The following CRAMP1 variants were observed in gnomAD, a reference collection of about 807,000 sequenced individuals.
The protein encoded by CRAMP1 is protein cramped-like.
In CRAMP1, 50 loss-of-function variants were observed where a neutral mutation model predicts 115.4. The ratio of observed to expected loss-of-function variants is 0.43; its 90% CI spans 0.35 to 0.55. The LOEUF (loss-of-function observed/expected upper bound fraction) is 0.55. CRAMP1 is among the 20% of genes least tolerant of loss of function. The pLI, the probability that CRAMP1 is intolerant of heterozygous loss-of-function variation, is 0.01. For synonymous variants in CRAMP1, 866 were observed against 745.4 expected, an observed-to-expected ratio of 1.16 and a Z score of -2.64; for missense variants, 1,679 against 1,721.7, an observed-to-expected ratio of 0.98 and a Z score of 0.44.
chr16:1,649,785 ATTTTTT>A (rs35942594), intron 6 of CRAMP1, among the ~76,000 whole-genome samples: 1 of 65,736 alleles, frequency 1.5e-5, no homozygotes, highest in African/African-American at 7.2e-5. Flanking sequence ...ATGAGCCACT[ATTTTTT>A]TTTTTTTTTT....
At position 1,672,743 on chromosome 16, in the gene CRAMP1, C is replaced by G. The variant is rs1011838938; in HGVS notation, c.3646-1138C>G. ...CCCCTGTCCTCATGAGGCTTCTACT[C>G]TAGAGCAGGACGCAGACAATAAGCG... On this transcript the variant is annotated intron_variant, in intron 20 of 20. Coordinates refer to ENST00000397412, the MANE Select transcript of CRAMP1 (RefSeq NM_020825.4). The surrounding 1 kb of genome is among the most constrained non-coding windows in gnomAD (Gnocchi z 4.9). Among the ~76,000 whole-genome samples, 2 of 152,122 alleles carry G rather than the reference C, an allele frequency of 1.3e-5. No homozygotes were observed. Among genetic ancestry groups the G allele is most frequent in the African/African-American group, 4.8e-5 (2 of 41,416 alleles).
rs1596483387 is a variant in CRAMP1, at chr16:1,626,033, C to T, written c.407C>T (p.Ala136Val). 2 of 1,551,690 alleles carry T rather than the reference C, an allele frequency of 1.3e-6. No homozygotes were observed. The highest frequency in any genetic ancestry group is 3.9e-5 in the Admixed American group (2 of 51,008). ...TCTGGGGTTGCCCCTGCTGCCCCTG[C>T]AGGGGGCTCGCGCTCCTCCTCCCGG... ...NVSGVAPAAPAGGSRSSSRNL... is the reference protein window; with the variant it reads ...NVSGVAPAAPVGGSRSSSRNL... Residue 136 changes from alanine to valine, a missense_variant, in exon 3 of 21, where the codon GCA (alanine) becomes GTA (valine). Physicochemically the swap from Ala to Val is moderately conservative, Grantham distance 64. This residue lies in a region of CRAMP1 where 264 missense variants were observed against 229.7 expected (regional missense o/e 1.15). Transcript: ENST00000397412.
In CRAMP1 at chr16:1,668,991, T is replaced by C; in HGVS notation, c.3335-10T>C. 1.2e-6 allele frequency: 2 copies of C among 1,612,782 alleles called. No homozygotes were observed. The highest frequency in any genetic ancestry group is 1.7e-6 in the Non-Finnish European group (2 of 1,179,364). ...ACAAGGCGTTTCTGATCTGGGATCT[T>C]GGTTGGCAGGTGAAGGAGTCCCTCT... is the stretch of plus-strand genomic sequence containing the variant. On this transcript the variant is annotated splice_polypyrimidine_tract_variant and intron_variant, in intron 18 of 20. Coordinates refer to ENST00000397412, the MANE Select transcript of CRAMP1 (RefSeq NM_020825.4).
intron 11 of CRAMP1, among the ~76,000 whole-genome samples, chr16:1,660,888 A>G (rs1326505197): frequency 6.6e-6 from 1 of 152,204 alleles, no homozygotes; most frequent in African/African-American, 2.4e-5. Flanking sequence ...CGCGCCTGTT[A>G]ATCCCAGCTA....
intron 1 of CRAMP1, among the ~76,000 whole-genome samples, chr16:1,613,852 G>A (rs1567444028): frequency 6.6e-6 from 1 of 152,182 alleles, no homozygotes; most frequent in Non-Finnish European, 1.5e-5. Flanking sequence ...TTTTTAACTA[G>A]TAAATCCCCG....
rs1337447462 is a variant in CRAMP1, at chr16:1,673,982, C to T, written c.3747C>T (p.Gly1249=). ...AAGAGCTGTCCATCGCTGAGCCTGG[C>T]CGCCGAGAAGCTCTGTTTGATGGTG... ...LAQELSIAEP[G]RREALFDGGG... Residue 1249 remains glycine (G), a synonymous_variant, in exon 21 of 21, where the codon GGC becomes GGT. Coordinates refer to ENST00000397412, the MANE Select transcript of CRAMP1 (RefSeq NM_020825.4). 1.2e-6 allele frequency: 2 copies of T among 1,613,000 alleles called. No individual in the cohort carries two copies. Among genetic ancestry groups the T allele is most frequent in the Middle Eastern group, 1.9e-4 (1 of 5,236 alleles).
Position 1,666,623 on chromosome 16 carries a change from T to G in CRAMP1, c.3036+23T>G. The G allele has an allele frequency of 6.2e-7, 1 of 1,604,128 alleles. No individual in the cohort carries two copies. The highest frequency in any genetic ancestry group is 1.7e-4 in the Middle Eastern group (1 of 5,970). On this transcript the variant is annotated intron_variant, in intron 16 of 20. Coordinates refer to ENST00000397412, the MANE Select transcript of CRAMP1 (RefSeq NM_020825.4). This position sits in a 1 kb window ranked among gnomAD's most constrained non-coding sequence, Gnocchi z 5.0. The stretch of plus-strand genomic sequence containing the variant: ...GGGGTGAGTATGTTTAGAAGGGCTT[T>G]TCAGCATTACCACCAACTTCTGGTG...
chr16:1,622,527 G>A (rs1311043126), intron 2 of CRAMP1, among the ~76,000 whole-genome samples: 1 of 152,144 alleles, frequency 6.6e-6, no homozygotes, highest in Non-Finnish European at 1.5e-5. Flanking sequence ...AACCAAAAAA[G>A]CACTCCAAGT....
At chr16:1,633,877 G>A (rs573096594) in intron 4 of CRAMP1, among the ~76,000 whole-genome samples, 74 of 152,240 alleles carry the variant, frequency 4.9e-4, no homozygotes, top group Admixed American at 3.7e-3. Context: ...AGACCATCCT[G>A]GCCAACATGG....
rs1413754602 is a variant in CRAMP1 at position 1,666,515 on chromosome 16, T to G, written c.2951T>G (p.Leu984Arg). ...GAGGGCTTGTCTGGCATCTCTCCAC[T>G]GTCTTCAGACGAGGTGACGGGTGCC... Reference protein sequence around the residue: ...DTEGLSGISPLSSDEVTGAIS... With the variant: ...DTEGLSGISPRSSDEVTGAIS... Residue 984 changes from leucine (L) to arginine (R), a missense_variant, in exon 16 of 21, where the codon CTG (leucine) becomes CGG (arginine). Transcript: ENST00000397412. This position sits in a 1 kb window ranked among gnomAD's most constrained non-coding sequence, Gnocchi z 5.0. The G allele has an allele frequency of 1.9e-6, 3 of 1,613,844 alleles. No individual in the cohort carries two copies. The highest frequency in any genetic ancestry group is 2.5e-6 in the Non-Finnish European group (3 of 1,179,866).
intron 3 of CRAMP1, among the ~76,000 whole-genome samples, chr16:1,629,586 A>G (rs1293277512): frequency 6.6e-6 from 1 of 152,134 alleles, no homozygotes; most frequent in Non-Finnish European, 1.5e-5. Flanking sequence ...CGTGAGCAGG[A>G]GGCCTGGAAC....
Position 1,626,023 on chromosome 16 carries a change from G to A in CRAMP1, c.397G>A (p.Ala133Thr). The A allele has an allele frequency of 1.9e-6, 3 of 1,551,678 alleles. No homozygotes were observed. The highest frequency in any genetic ancestry group is 2.6e-6 in the Non-Finnish European group (3 of 1,146,974). The stretch of plus-strand genomic sequence containing the variant: ...TGGAAATGTGTCTGGGGTTGCCCCT[G>A]CTGCCCCTGCAGGGGGCTCGCGCTC... ...SSGNVSGVAP[A>T]APAGGSRSSS... Residue 133 changes from alanine (A) to threonine (T), a missense_variant, in exon 3 of 21, where the codon GCT (alanine) becomes ACT (threonine). By Grantham distance (58) the Ala-to-Thr change is moderately conservative. Coordinates refer to ENST00000397412, the MANE Select transcript of CRAMP1 (RefSeq NM_020825.4).
At position 1,617,736 on chromosome 16, in the gene CRAMP1, A is replaced by T. The variant is rs184039442; in HGVS notation, c.346+2751A>T. Among the ~76,000 whole-genome samples the T allele has an allele frequency of 2.6e-3, 400 of 152,340 alleles. 2 individuals are homozygous for T. Among genetic ancestry groups the T allele is most frequent in the Non-Finnish European group, 4.3e-3 (291 of 68,030 alleles). On this transcript the variant is annotated intron_variant, in intron 2 of 20. Coordinates refer to ENST00000397412, the MANE Select transcript of CRAMP1 (RefSeq NM_020825.4). The stretch of plus-strand genomic sequence containing the variant: ...AAGTCTGCTTGTTTGGCTTTTCTGC[A>T]TGCAAGTGTGTTTTCTTTCTCTGAA...
chr16:1,625,974 A>T lies in CRAMP1; in HGVS notation c.348A>T (p.Gly116=), dbSNP rs1304623142. Residue 116 remains glycine, a splice_region_variant and synonymous_variant, in exon 3 of 21, where the codon GGA becomes GGT. Coordinates refer to ENST00000397412, the MANE Select transcript of CRAMP1 (RefSeq NM_020825.4). ...NAGGSGPRGK[G]AEGGGSSSGN... is the part of the protein sequence containing the mutation. ...ACTGTACGGTGCTTTCTCTCCAAGG[A>T]GCTGAAGGTGGTGGATCATCGTCTG... The T allele has an allele frequency of 6.4e-7, 1 of 1,551,406 alleles. No homozygotes were observed. The highest frequency in any genetic ancestry group is 2.0e-5 in the Admixed American group (1 of 50,984).
chr16:1,622,397 C>G (rs1236089910), intron 2 of CRAMP1, among the ~76,000 whole-genome samples: 1 of 152,142 alleles, frequency 6.6e-6, no homozygotes, highest in Non-Finnish European at 1.5e-5. Context: ...CCCATAATCC[C>G]AGCTACTCGA....
chr16:1,655,739 G>T, intron 9 of CRAMP1, 138 bp from the exon 10 acceptor site: 1 of 958,106 alleles, frequency 1.0e-6, no homozygotes, highest in Non-Finnish European at 1.6e-6. Flanking sequence ...AGTGGTGTGA[G>T]GAAAGCCACG....
At chr16:1,635,287 A>G (rs892584442) in intron 4 of CRAMP1, among the ~76,000 whole-genome samples, 1 of 152,208 alleles carries the variant, frequency 6.6e-6, no homozygotes, top group Non-Finnish European at 1.5e-5. Flanking sequence ...GAGTGGTGGC[A>G]AGCGAGCGTG....
At chr16:1,650,404 A>G (rs972206899) in intron 6 of CRAMP1, among the ~76,000 whole-genome samples, 4 of 152,164 alleles carry the variant, frequency 2.6e-5, no homozygotes, top group Admixed American at 6.5e-5. Flanking sequence ...TTTGATCTCT[A>G]ATTTTGGTCA....
intron 18 of CRAMP1, 98 bp from the exon 19 acceptor site, chr16:1,668,903 C>A: frequency 8.7e-7 from 1 of 1,148,370 alleles, no homozygotes; most frequent in Non-Finnish European, 1.3e-6. Context: ...GGGTAGAGCC[C>A]TGCGGCCCTG....
Sources: allele counts gnomAD v4.1 joint callset (sites outside exome capture counted in the v4.1 genomes callset), GRCh38; gene constraint gnomAD v4.1.1; regional missense constraint gnomAD v4.1.1; non-coding constraint Gnocchi (gnomAD v3.1); transcripts MANE v1.5; gene names NCBI Gene and HGNC (gene_info 2026-07-23, HGNC 2026-07-21).